Variants in PRKN observed in about 807,000 individuals in gnomAD.
The protein encoded by PRKN is E3 ubiquitin-protein ligase parkin.
Under a neutral mutation model 59.5 loss-of-function variants are expected in PRKN, and 56 were observed. The observed-to-expected ratio is 0.94, with a 90% CI of 0.76 to 1.18. The LOEUF (loss-of-function observed/expected upper bound fraction) is 1.18. Ranked by LOEUF, PRKN falls within the 50% of genes most tolerant of loss-of-function variation. The pLI, the probability that PRKN is intolerant of heterozygous loss-of-function variation, is 0.00. For synonymous variants in PRKN, 250 were observed against 222.1 expected (o/e 1.13, Z -1.12); for missense variants, 657 against 596.4 (o/e 1.10, Z -1.06).
At chr6:162,098,213 G>A (rs1369927383) in intron 4 of PRKN, among the ~76,000 whole-genome samples, 1 of 152,048 alleles carries the variant, frequency 6.6e-6, no homozygotes, top group Non-Finnish European at 1.5e-5. Flanking sequence ...CGAGGATCAT[G>A]TCAACTGCAA....
chr6:162,457,884 G>A (rs1156744834), intron 1 of PRKN, among the ~76,000 whole-genome samples: 1 of 152,002 alleles, frequency 6.6e-6, no homozygotes, highest in Non-Finnish European at 1.5e-5. Context: ...ACTTTGGGAG[G>A]CCGAGGTGGG....
At chr6:162,303,482 C>T (rs912020161) in intron 2 of PRKN, among the ~76,000 whole-genome samples, 1 of 152,138 alleles carries the variant, frequency 6.6e-6, no homozygotes, top group African/African-American at 2.4e-5. Flanking sequence ...TGCATCTATG[C>T]ATCTATGAAC....
At chr6:162,501,555 C>A (rs1302124269) in intron 1 of PRKN, among the ~76,000 whole-genome samples, 1 of 150,576 alleles carries the variant, frequency 6.6e-6, no homozygotes, top group Non-Finnish European at 1.5e-5. Context: ...GAGGTTTCAC[C>A]ACATTGGCCA....
intron 1 of PRKN, chr6:162,624,487 C>T (rs567556358): frequency 3.3e-5 from 5 of 152,260 alleles, no homozygotes; most frequent in Non-Finnish European, 5.9e-5. Context: ...TTTCTAATAT[C>T]GGAGTTCAAA....
intron 1 of PRKN, among the ~76,000 whole-genome samples, chr6:162,489,056 G>C (rs1792685933): frequency 6.7e-6 from 1 of 148,282 alleles, no homozygotes; most frequent in Non-Finnish European, 1.5e-5. Flanking sequence ...AAGGAGCAGG[G>C]GTCCAGGGAG....
chr6:161,888,261 T>C (rs1053787709), intron 6 of PRKN, among the ~76,000 whole-genome samples: 18 of 152,194 alleles, frequency 1.2e-4, no homozygotes, highest in African/African-American at 4.3e-4. Flanking sequence ...AATATCAGCA[T>C]ATGACAGCTG....
At chr6:161,599,251 A>G (rs1466222860) in intron 7 of PRKN, among the ~76,000 whole-genome samples, 2 of 152,194 alleles carry the variant, frequency 1.3e-5, no homozygotes, top group Non-Finnish European at 2.9e-5. Flanking sequence ...CTAGGAAACT[A>G]ATACAATGGG....
chr6:161,749,828 T>C (rs554309095), intron 7 of PRKN, among the ~76,000 whole-genome samples: 29 of 151,904 alleles, frequency 1.9e-4, no homozygotes, highest in Non-Finnish European at 3.4e-4. Flanking sequence ...ACTCCGTTGC[T>C]CCCCACCCAC....
At position 161,566,589 on chromosome 6, in the gene PRKN, T is replaced by C. The variant is rs973395887; in HGVS notation, c.933+2766A>G. On this transcript the variant is annotated intron_variant, in intron 8 of 11. Transcript: ENST00000366898. The surrounding 1 kb of genome is among the most constrained non-coding windows in gnomAD (Gnocchi z 4.1). ...ACCCAGCTAACTTCTGTATTTTTAG[T>C]AGAGACAGGGTTTCGCCATGTTGGT... is the stretch of plus-strand genomic sequence containing the variant. Among the ~76,000 whole-genome samples the C allele has an allele frequency of 1.3e-5, 2 of 152,136 alleles. No individual in the cohort carries two copies. Among genetic ancestry groups the C allele is most frequent in the Admixed American group, 1.3e-4 (2 of 15,276 alleles).
At chr6:162,727,539 G>T (rs1006067815) in intron 1 of PRKN, 123 bp downstream of exon 1, 1 of 1,110,134 alleles carries the variant, frequency 9.0e-7, no homozygotes, top group Non-Finnish European at 1.3e-6. Context: ...GGGACGGCAC[G>T]GGCACTTTGG....
intron 4 of PRKN, among the ~76,000 whole-genome samples, chr6:162,196,457 T>C (rs1562573169): frequency 6.6e-6 from 1 of 152,226 alleles, no homozygotes; most frequent in Non-Finnish European, 1.5e-5. Context: ...CAACTCTGTC[T>C]CATTTCTGCA....
chr6:161,774,168 G>A (rs771603321), intron 7 of PRKN, among the ~76,000 whole-genome samples: 5 of 151,998 alleles, frequency 3.3e-5, no homozygotes, highest in South Asian at 4.2e-4. Context: ...GTCCTTGTCC[G>A]TGTACCAGTC....
chr6:161,711,580 T>A (rs75104711), intron 7 of PRKN, among the ~76,000 whole-genome samples: 1 of 152,142 alleles, frequency 6.6e-6, no homozygotes, highest in Admixed American at 6.5e-5. Flanking sequence ...ATACTGAGTG[T>A]TAATTTGATT....
At chr6:162,590,430 T>G (rs1175188977) in intron 1 of PRKN, among the ~76,000 whole-genome samples, 1 of 152,214 alleles carries the variant, frequency 6.6e-6, no homozygotes, top group African/African-American at 2.4e-5. Context: ...TTAATCTATC[T>G]GCAAAGTTAG....
chr6:162,437,096 A>T (rs915739054), intron 2 of PRKN, among the ~76,000 whole-genome samples: 7 of 147,688 alleles, frequency 4.7e-5, no homozygotes, highest in East Asian at 2.0e-4. Flanking sequence ...TGTCTCAAAA[A>T]AAATAAATAA....
At position 161,386,532 on chromosome 6, in the gene PRKN, C is replaced by T. The variant is rs1291223067; in HGVS notation, c.1167+262G>A. Among the ~76,000 whole-genome samples, 1 of 152,326 alleles carries T rather than the reference C, an allele frequency of 6.6e-6. No homozygotes were observed. The highest frequency in any genetic ancestry group is 2.1e-4 in the South Asian group (1 of 4,830). On this transcript the variant is annotated intron_variant, in intron 10 of 11. Transcript: ENST00000366898. This position sits in a 1 kb window ranked among gnomAD's most constrained non-coding sequence, Gnocchi z 4.3. ...CCCTCTAAGGACTCCTTTGAAAATGCTCACATGCCTTGTCCCTGTTCCATA... is the reference window on the plus strand; with the variant it reads ...CCCTCTAAGGACTCCTTTGAAAATGTTCACATGCCTTGTCCCTGTTCCATA...
At chr6:162,504,912 C>T (rs1365991277) in intron 1 of PRKN, among the ~76,000 whole-genome samples, 2 of 152,092 alleles carry the variant, frequency 1.3e-5, no homozygotes, top group Non-Finnish European at 1.5e-5. Context: ...GAGGAGGTAA[C>T]CTGAAGAACC....
intron 2 of PRKN, among the ~76,000 whole-genome samples, chr6:162,290,845 A>T (rs1053555752): frequency 2.0e-5 from 3 of 152,216 alleles, no homozygotes; most frequent in African/African-American, 7.2e-5. Context: ...AAAGACATTG[A>T]CAACTTTTCA....
At chr6:162,285,435 T>C (rs1337434629) in intron 2 of PRKN, among the ~76,000 whole-genome samples, 1 of 152,008 alleles carries the variant, frequency 6.6e-6, no homozygotes, top group Non-Finnish European at 1.5e-5. Context: ...TTGGGTGTTG[T>C]ATCAAAGAAA....
Sources: gnomAD v4.1 joint callset for allele counts (sites outside exome capture counted in the v4.1 genomes callset) on GRCh38, gnomAD v4.1.1 for gene constraint, Gnocchi (gnomAD v3.1) non-coding constraint, MANE v1.5 for transcripts, NCBI Gene and HGNC (gene_info 2026-07-23, HGNC 2026-07-21) for gene names.